Variants in DKK2 observed in about 807,000 individuals in gnomAD.
DKK2 encodes the protein dickkopf-related protein 2.
Under a neutral mutation model 28.1 loss-of-function variants are expected in DKK2, and 11 were observed. That is an observed-to-expected ratio of 0.39 (90% CI 0.25 to 0.65). The LOEUF is 0.65. Ranked by LOEUF, DKK2 falls within the 30% of genes least tolerant of loss-of-function variation. DKK2 has a pLI of 0.47. For missense variants in DKK2, 326 were observed against 335.5 expected, an observed-to-expected ratio of 0.97 and a Z score of 0.22; for synonymous variants, 135 against 126.5, an observed-to-expected ratio of 1.07 and a Z score of -0.45.
At chr4:106,970,810 G>A (rs1722858810) in intron 1 of DKK2, among the ~76,000 whole-genome samples, 1 of 152,006 alleles carries the variant, frequency 6.6e-6, no homozygotes, top group African/African-American at 2.4e-5. Flanking sequence ...AACCTAAAGA[G>A]GGGAAAACTG....
chr4:106,979,871 A>T (rs1410626627), intron 1 of DKK2, among the ~76,000 whole-genome samples: 1 of 152,236 alleles, frequency 6.6e-6, no homozygotes, highest in Non-Finnish European at 1.5e-5. Flanking sequence ...CATGACATTG[A>T]ACCACACAAG....
chr4:106,999,876 C>A (rs1158102590), intron 1 of DKK2, among the ~76,000 whole-genome samples: 1 of 151,982 alleles, frequency 6.6e-6, no homozygotes, highest in Non-Finnish European at 1.5e-5. Context: ...GTCAAGGTTT[C>A]AATTCTTCAA....
At chr4:106,940,783 A>G (rs1412963794) in intron 1 of DKK2, among the ~76,000 whole-genome samples, 2 of 152,218 alleles carry the variant, frequency 1.3e-5, no homozygotes, top group Non-Finnish European at 2.9e-5. Context: ...GCAGCCATAA[A>G]AAAGGATGGG....
At chr4:107,025,887 C>A (rs1340432418) in intron 1 of DKK2, among the ~76,000 whole-genome samples, 1 of 152,202 alleles carries the variant, frequency 6.6e-6, no homozygotes, top group Non-Finnish European at 1.5e-5. Flanking sequence ...TTTAAGGCAA[C>A]TGAATGTAAT....
intron 1 of DKK2, among the ~76,000 whole-genome samples, chr4:106,998,243 T>C (rs1419425337): frequency 6.6e-6 from 1 of 152,180 alleles, no homozygotes; most frequent in Non-Finnish European, 1.5e-5. Flanking sequence ...ATGTGTTGGG[T>C]TTTTCTAGTC....
chr4:106,937,881 T>C (rs192543741), intron 1 of DKK2, among the ~76,000 whole-genome samples: 8,508 of 150,262 alleles, frequency 0.057, 282 homozygotes, highest in Non-Finnish European at 0.073. Context: ...GGGTACATAA[T>C]GAAATGAAGG....
At chr4:106,990,615 A>T (rs1723189408) in intron 1 of DKK2, among the ~76,000 whole-genome samples, 1 of 152,190 alleles carries the variant, frequency 6.6e-6, no homozygotes. Flanking sequence ...GTGGCTAATT[A>T]TAAGCTGACA....
chr4:106,951,582 A>G (rs997712048), intron 1 of DKK2, among the ~76,000 whole-genome samples: 5 of 152,164 alleles, frequency 3.3e-5, no homozygotes, highest in Non-Finnish European at 5.9e-5. Flanking sequence ...ACACAGAAAG[A>G]CAAAATTTGC....
intron 1 of DKK2, among the ~76,000 whole-genome samples, chr4:107,030,231 G>A (rs1301009025): frequency 1.3e-5 from 2 of 152,038 alleles, no homozygotes; most frequent in African/African-American, 4.8e-5. Flanking sequence ...AATGCTTTAT[G>A]TTTGTCCTAA....
chr4:107,003,130 CCTCT>C (rs1267303738), intron 1 of DKK2, among the ~76,000 whole-genome samples: 1 of 152,088 alleles, frequency 6.6e-6, no homozygotes, highest in Admixed American at 6.6e-5. Context: ...ATGTTCCTTG[CCTCT>C]CTCTTAGTTT....
At chr4:106,998,903 C>T (rs1723315867) in intron 1 of DKK2, among the ~76,000 whole-genome samples, 1 of 152,106 alleles carries the variant, frequency 6.6e-6, no homozygotes, top group Non-Finnish European at 1.5e-5. Context: ...ATAAAAATAG[C>T]TCACTGAATA....
At chr4:106,939,334 A>T (rs1724653857) in intron 1 of DKK2, among the ~76,000 whole-genome samples, 1 of 152,212 alleles carries the variant, frequency 6.6e-6, no homozygotes, top group African/African-American at 2.4e-5. Flanking sequence ...AGAGAGCCAA[A>T]TCATGAGTGA....
intron 1 of DKK2, among the ~76,000 whole-genome samples, chr4:106,944,083 G>C (rs554867717): frequency 6.6e-6 from 1 of 152,170 alleles, no homozygotes; most frequent in South Asian, 2.1e-4. Context: ...TTTCATGACA[G>C]CTTCCTTTAA....
intron 1 of DKK2, among the ~76,000 whole-genome samples, chr4:106,986,667 C>T (rs1723124440): frequency 6.6e-6 from 1 of 152,210 alleles, no homozygotes; most frequent in Admixed American, 6.5e-5. Context: ...CACACACACA[C>T]ACACCATCAT....
chr4:106,992,601 ACTT>A (rs1477756235), intron 1 of DKK2, among the ~76,000 whole-genome samples: 1 of 152,184 alleles, frequency 6.6e-6, no homozygotes, highest in Non-Finnish European at 1.5e-5. Context: ...TTGCTGCAAA[ACTT>A]CTCAGAGCTT....
intron 1 of DKK2, among the ~76,000 whole-genome samples, chr4:106,985,392 T>A (rs1723101198): frequency 6.6e-6 from 1 of 152,108 alleles, no homozygotes; most frequent in Admixed American, 6.6e-5. Context: ...TTTGATATTG[T>A]CCTACAGTTT....
chr4:106,929,647 T>A (rs1306838616), intron 1 of DKK2, among the ~76,000 whole-genome samples: 1 of 152,186 alleles, frequency 6.6e-6, no homozygotes, highest in African/African-American at 2.4e-5. Flanking sequence ...CAAATAGCAG[T>A]GTTACTTATT....
At chr4:106,986,200 T>C (rs1246158833) in intron 1 of DKK2, among the ~76,000 whole-genome samples, 1 of 152,246 alleles carries the variant, frequency 6.6e-6, no homozygotes, top group African/African-American at 2.4e-5. Flanking sequence ...TGACGCTAAA[T>C]GGCCACTGTC....
chr4:107,015,390 C>T (rs1249527758), intron 1 of DKK2, among the ~76,000 whole-genome samples: 1 of 151,464 alleles, frequency 6.6e-6, no homozygotes, highest in African/African-American at 2.4e-5. Context: ...CCCATTTTTA[C>T]TGGATTGTTT....
Sources: allele counts gnomAD v4.1 joint callset (sites outside exome capture counted in the v4.1 genomes callset), GRCh38; gene constraint gnomAD v4.1.1; transcripts MANE v1.5; gene names NCBI Gene and HGNC (gene_info 2026-07-23, HGNC 2026-07-21).